The following NSG1 variants were observed in gnomAD, a reference collection of about 807,000 sequenced individuals.
NSG1 encodes neuronal vesicle trafficking-associated protein 1.
A neutral mutation model predicts 19.3 loss-of-function variants in NSG1; 9 were observed. That is an observed-to-expected ratio of 0.47 (90% CI 0.28 to 0.81). NSG1 has a LOEUF of 0.81. NSG1 is among the 40% of genes least tolerant of loss of function. The pLI, the probability that NSG1 is intolerant of heterozygous loss-of-function variation, is 0.11. For missense variants in NSG1, 236 were observed against 242.4 expected (o/e 0.97, Z 0.18); for synonymous variants, 104 against 107.0 (o/e 0.97, Z 0.17).
upstream of NSG1, chr4:4,387,035 AG>A (rs1271317198): frequency 1.3e-5 from 2 of 151,976 alleles, no homozygotes; most frequent in East Asian, 3.9e-4. Context: ...CGGCGCGAGG[AG>A]GAGGGAGCGG....
chr4:4,391,452 T>C, intron 2 of NSG1, 23 bp from the exon 3 acceptor site: 1 of 1,554,610 alleles, frequency 6.4e-7, no homozygotes, highest in Middle Eastern at 1.7e-4. Flanking sequence ...ATCTGACTTT[T>C]GTTTCTCTGT....
chr4:4,406,881 G>T (rs1378860007), intron 3 of NSG1, among the ~76,000 whole-genome samples: 2 of 152,214 alleles, frequency 1.3e-5, no homozygotes, highest in African/African-American at 2.4e-5. Flanking sequence ...GCCCTCCCTG[G>T]CTGGGCTCCT....
intron 3 of NSG1, among the ~76,000 whole-genome samples, chr4:4,394,063 C>T (rs1723126482): frequency 6.6e-6 from 1 of 152,176 alleles, no homozygotes; most frequent in South Asian, 2.1e-4. Context: ...TCATAAACAC[C>T]TCAGGAGGTA....
rs958174167 is a variant in NSG1, at chr4:4,417,542, G to A, written c.*107G>A. ...GATACTTTAGAGGTTACTCATTTACGGTGCAATTGCTTCTGTTTGCTAATG... is the reference window on the plus strand; with the variant it reads ...GATACTTTAGAGGTTACTCATTTACAGTGCAATTGCTTCTGTTTGCTAATG... On this transcript the variant is annotated 3_prime_UTR_variant, in exon 5 of 5. Coordinates refer to ENST00000621129, the MANE Select transcript of NSG1 (RefSeq NM_014392.5). 2.6e-5 allele frequency: 29 copies of A among 1,113,418 alleles called. No homozygotes were observed. The highest frequency in any genetic ancestry group is 9.0e-5 in the South Asian group (6 of 66,478). The allele number at this position is 1,113,418 out of a possible 1,614,324, so 69.0% of individuals were successfully genotyped here. A position where few individuals can be genotyped will look rare whatever the true frequency, so the allele number is the denominator to read the frequency against.
chr4:4,386,638 C>G (rs1018157579), upstream of NSG1: 1 of 153,162 alleles, frequency 6.5e-6, no homozygotes, highest in Non-Finnish European at 1.5e-5. Context: ...TCCTCAGGAC[C>G]CCCAGGTGAG....
intron 3 of NSG1, among the ~76,000 whole-genome samples, chr4:4,394,879 A>G (rs1405952578): frequency 3.3e-5 from 5 of 152,220 alleles, no homozygotes; most frequent in Non-Finnish European, 2.9e-5. Flanking sequence ...TCTCGGGGCC[A>G]TGCTTACGCG....
intron 4 of NSG1, among the ~76,000 whole-genome samples, chr4:4,412,260 G>A (rs546834358): frequency 3.3e-5 from 5 of 152,012 alleles, no homozygotes; most frequent in African/African-American, 9.7e-5. Flanking sequence ...CCCAAGTCCC[G>A]CTGGATACCT....
At chr4:4,402,816 C>T (rs557710250) in intron 3 of NSG1, among the ~76,000 whole-genome samples, 3 of 152,322 alleles carry the variant, frequency 2.0e-5, no homozygotes, top group African/African-American at 7.2e-5. Flanking sequence ...AGGAAATGCG[C>T]TTCTCCCAAC....
intron 3 of NSG1, among the ~76,000 whole-genome samples, chr4:4,392,233 C>G (rs1044261135): frequency 1.0e-4 from 15 of 144,700 alleles, no homozygotes; most frequent in Admixed American, 1.0e-3. Context: ...GTGGGAGGAG[C>G]CTTCTTGCCA....
At chr4:4,405,812 T>C (rs1723821111) in intron 3 of NSG1, among the ~76,000 whole-genome samples, 1 of 152,224 alleles carries the variant, frequency 6.6e-6, no homozygotes, top group Non-Finnish European at 1.5e-5. Flanking sequence ...CGTTGCACGG[T>C]TCGGCTGGCT....
chr4:4,407,632 G>A (rs1723937988), intron 3 of NSG1, among the ~76,000 whole-genome samples: 1 of 152,208 alleles, frequency 6.6e-6, no homozygotes, highest in Middle Eastern at 3.2e-3. Context: ...CAGTCAGGAT[G>A]CAGGCTCGGG....
Position 4,409,666 on chromosome 4 carries a change from G to A in NSG1, c.340G>A (p.Asp114Asn), listed in dbSNP as rs770129715. 3.4e-5 allele frequency: 55 copies of A among 1,613,894 alleles called. 1 individual carries two copies. Among genetic ancestry groups the A allele is most frequent in the South Asian group, 2.3e-4 (21 of 91,090 alleles). ...KVYKYDRACP[D>N]GFVLKNTQCI... ...GTACAAGTATGACCGCGCCTGCCCCGATGGGTTCGTCCTCAAGGTAAAACT... is the reference window on the plus strand; with the variant it reads ...GTACAAGTATGACCGCGCCTGCCCCAATGGGTTCGTCCTCAAGGTAAAACT... Residue 114 changes from aspartate (D) to asparagine (N), a missense_variant, in exon 4 of 5, where the codon GAT (aspartate) becomes AAT (asparagine). By Grantham distance (23) the Asp-to-Asn change is conservative (BLOSUM62 1). Transcript: ENST00000621129.
intron 3 of NSG1, among the ~76,000 whole-genome samples, chr4:4,400,472 G>T (rs4402980): frequency 0.63 from 96,213 of 152,034 alleles, 34,051 homozygotes; most frequent in East Asian, 0.94. Context: ...TTCCATTTTC[G>T]GCAAACAAAC....
At chr4:4,415,773 C>A in intron 4 of NSG1, 1 of 285,076 alleles carries the variant, frequency 3.5e-6, no homozygotes, top group Non-Finnish European at 6.7e-6. Flanking sequence ...CTGCTGGGTG[C>A]CGAGGTGGGA....
rs1724650016 is a variant in NSG1 at position 4,417,606 on chromosome 4, G to A, written c.*171G>A. Reference sequence around the variant, plus strand: ...AAAACTTGCTGCCGACCACCCACGGGCATAAAATCAAGTGCATTTCAGCAT... The same window carrying A: ...AAAACTTGCTGCCGACCACCCACGGACATAAAATCAAGTGCATTTCAGCAT... On this transcript the variant is annotated 3_prime_UTR_variant, in exon 5 of 5. Coordinates refer to ENST00000621129, the MANE Select transcript of NSG1 (RefSeq NM_014392.5). 7.8e-6 allele frequency: 5 copies of A among 644,534 alleles called. No individual in the cohort carries two copies. The highest frequency in any genetic ancestry group is 1.3e-5 in the Non-Finnish European group (5 of 377,362). The allele number at this position is 644,534 out of a possible 1,614,324, so 39.9% of individuals were successfully genotyped here.
chr4:4,403,630 C>A (rs918037357), intron 3 of NSG1, among the ~76,000 whole-genome samples: 1 of 152,166 alleles, frequency 6.6e-6, no homozygotes, highest in Admixed American at 6.5e-5. Context: ...AGTCCCTTAC[C>A]ATATACATTT....
intron 3 of NSG1, among the ~76,000 whole-genome samples, chr4:4,392,197 G>C (rs1285519096): frequency 6.6e-6 from 1 of 151,152 alleles, no homozygotes; most frequent in Non-Finnish European, 1.5e-5. Context: ...GTGCTGCTGA[G>C]AGCGGGAGGG....
intron 4 of NSG1, among the ~76,000 whole-genome samples, chr4:4,416,660 C>A (rs1724562245): frequency 6.6e-6 from 1 of 152,120 alleles, no homozygotes; most frequent in Non-Finnish European, 1.5e-5. Context: ...GTCTCGCACT[C>A]CCCCAACCCA....
intron 4 of NSG1, among the ~76,000 whole-genome samples, chr4:4,411,838 CTT>C (rs10547615): frequency 0.16 from 23,670 of 149,840 alleles, 1,997 homozygotes; most frequent in African/African-American, 0.21. Context: ...CCCTGAAGCT[CTT>C]TTAGAGTTAA....
Sources: gnomAD v4.1 joint callset for allele counts (sites outside exome capture counted in the v4.1 genomes callset) on GRCh38, gnomAD v4.1.1 for gene constraint, MANE v1.5 for transcripts, NCBI Gene and HGNC (gene_info 2026-07-23, HGNC 2026-07-21) for gene names.